Variants in LRRC7 observed in about 807,000 individuals in gnomAD.
LRRC7 encodes the protein leucine-rich repeat-containing protein 7.
In LRRC7, 23 loss-of-function variants were observed where a neutral mutation model predicts 175.7. The observed-to-expected ratio is 0.13, with a 90% CI of 0.09 to 0.19. The LOEUF is 0.19. LRRC7 is among the 10% of genes least tolerant of loss of function. The pLI, the probability that LRRC7 is intolerant of heterozygous loss-of-function variation, is 1.00. For missense variants in LRRC7, 1,354 were observed against 1,904.7 expected, an observed-to-expected ratio of 0.71 and a Z score of 5.38; for synonymous variants, 685 against 680.9, an observed-to-expected ratio of 1.01 and a Z score of -0.09.
chr1:70,104,810 T>C (rs944892115), intron 25 of LRRC7, among the ~76,000 whole-genome samples: 1 of 152,172 alleles, frequency 6.6e-6, no homozygotes, highest in African/African-American at 2.4e-5. Flanking sequence ...GTGTTGCTAG[T>C]TCCTCCCAGC....
At chr1:69,996,635 G>C (rs1241136494) in intron 11 of LRRC7, among the ~76,000 whole-genome samples, 1 of 152,004 alleles carries the variant, frequency 6.6e-6, no homozygotes, top group East Asian at 1.9e-4. Flanking sequence ...AGTTTTCCTA[G>C]CACCATTTAT....
chr1:69,816,839 CTCTGTT>C lies in LRRC7; in HGVS notation c.422-8905_422-8900del, dbSNP rs1209357638. ...CCAGCACCTGGTAACAACTATTCTA[CTCTGTT>C]TCTAAGAATTAGACTTTTTTAGATT... On this transcript the variant is annotated intron_variant, in intron 4 of 26. Transcript: ENST00000651989. Among the ~76,000 whole-genome samples the C allele has an allele frequency of 5.9e-5, 9 of 152,166 alleles. No individual in the cohort carries two copies. The South Asian group carries it at 1.5e-3, about 25-fold the overall frequency.
chr1:69,760,460 T>C (rs1385027316), intron 3 of LRRC7, 67 bp downstream of exon 3: 4 of 1,345,846 alleles, frequency 3.0e-6, no homozygotes, highest in Non-Finnish European at 2.1e-6. Context: ...TACTTTATTA[T>C]AATGGTAATG....
At chr1:69,741,945 A>T (rs568444413) in intron 2 of LRRC7, among the ~76,000 whole-genome samples, 38 of 152,108 alleles carry the variant, frequency 2.5e-4, no homozygotes, top group Admixed American at 2.4e-3. Flanking sequence ...ATGAACTTCC[A>T]TCGTGTGTGT....
At chr1:69,865,492 T>C (rs1684837889) in intron 7 of LRRC7, among the ~76,000 whole-genome samples, 1 of 127,308 alleles carries the variant, frequency 7.9e-6, no homozygotes, top group Admixed American at 7.9e-5. Context: ...TTTTTTTTTT[T>C]TTGAAACGGA....
chr1:69,726,538 C>A (rs1667000006), intron 2 of LRRC7, among the ~76,000 whole-genome samples: 1 of 151,926 alleles, frequency 6.6e-6, no homozygotes, highest in African/African-American at 2.4e-5. Flanking sequence ...CATTGGATAT[C>A]CAGGTAGCAA....
rs542293159 is a variant in LRRC7, at chr1:69,814,044, C to T, written c.422-11704C>T. 5.3e-4 allele frequency among the ~76,000 whole-genome samples: 81 copies of T among 152,000 alleles called. No individual in the cohort carries two copies. The South Asian group carries it at 5.4e-3, about 10-fold the overall frequency. On this transcript the variant is annotated intron_variant, in intron 4 of 26. Coordinates refer to ENST00000651989, the MANE Select transcript of LRRC7 (RefSeq NM_001370785.2). ...ATTTATAAGTAAATATATGTACATA[C>T]GAATTTCTTTATAAATTGAAAACAG...
intron 1 of LRRC7, among the ~76,000 whole-genome samples, chr1:69,666,309 G>A (rs973340008): frequency 2.0e-5 from 3 of 151,918 alleles, no homozygotes; most frequent in Admixed American, 1.3e-4. Context: ...CTTTGGGTTT[G>A]GTATCAAGAT....
chr1:69,692,510 T>TG (rs1210748822), intron 2 of LRRC7, among the ~76,000 whole-genome samples: 4 of 152,148 alleles, frequency 2.6e-5, no homozygotes, highest in African/African-American at 9.7e-5. Flanking sequence ...TACTTTTTCG[T>TG]GGGTCCTTCT....
chr1:69,690,608 TCTC>T (rs1661736924), intron 2 of LRRC7, among the ~76,000 whole-genome samples: 2 of 152,120 alleles, frequency 1.3e-5, no homozygotes, highest in South Asian at 4.2e-4. Flanking sequence ...CCCTGATGCC[TCTC>T]CTCCTCTTCT....
At chr1:70,103,767 C>G (rs1002575333) in intron 25 of LRRC7, among the ~76,000 whole-genome samples, 1 of 152,080 alleles carries the variant, frequency 6.6e-6, no homozygotes, top group East Asian at 1.9e-4. Flanking sequence ...TGGGACTTGA[C>G]AGAAGCAGAG....
intron 4 of LRRC7, among the ~76,000 whole-genome samples, chr1:69,793,632 C>CT (rs141401955): frequency 2.9e-4 from 43 of 149,320 alleles, no homozygotes; most frequent in East Asian, 9.8e-4. Flanking sequence ...ACATTTTACT[C>CT]TTTTTTTTTT....
At chr1:69,815,878 A>G (rs1678526124) in intron 4 of LRRC7, among the ~76,000 whole-genome samples, 1 of 152,134 alleles carries the variant, frequency 6.6e-6, no homozygotes, top group South Asian at 2.1e-4. Context: ...TAAAAAGACC[A>G]CTGGGAGCAG....
chr1:69,718,825 A>C (rs1287883222), intron 2 of LRRC7, among the ~76,000 whole-genome samples: 2 of 151,834 alleles, frequency 1.3e-5, no homozygotes, highest in Non-Finnish European at 3.0e-5. Context: ...GCTCCTGAAA[A>C]TTCTAGGAGA....
At chr1:69,891,790 A>G (rs982377192) in intron 7 of LRRC7, among the ~76,000 whole-genome samples, 22 of 152,168 alleles carry the variant, frequency 1.4e-4, no homozygotes. Flanking sequence ...CAATAAAGGA[A>G]AAGTTTAATA....
intron 1 of LRRC7, among the ~76,000 whole-genome samples, chr1:69,593,945 G>A (rs961941595): frequency 6.6e-5 from 10 of 152,150 alleles, no homozygotes; most frequent in Non-Finnish European, 1.5e-5. Flanking sequence ...TATCTCCTGA[G>A]TCTTTGCCAC....
At chr1:69,671,690 G>A (rs1659096646) in intron 1 of LRRC7, among the ~76,000 whole-genome samples, 1 of 152,110 alleles carries the variant, frequency 6.6e-6, no homozygotes, top group Non-Finnish European at 1.5e-5. Context: ...GCTGGGATGG[G>A]CAATACTCCT....
intron 2 of LRRC7, among the ~76,000 whole-genome samples, chr1:69,709,122 C>A (rs562895348): frequency 6.6e-6 from 1 of 152,156 alleles, no homozygotes; most frequent in South Asian, 2.1e-4. Context: ...GCTCATGAAA[C>A]TTTGTATTAG....
intron 8 of LRRC7, among the ~76,000 whole-genome samples, chr1:69,948,087 C>G (rs1434195325): frequency 6.6e-6 from 1 of 152,078 alleles, no homozygotes; most frequent in Non-Finnish European, 1.5e-5. Flanking sequence ...CCAGGAGAGA[C>G]AGAGCAGGAC....
Sources: gnomAD v4.1 joint callset for allele counts (sites outside exome capture counted in the v4.1 genomes callset) on GRCh38, gnomAD v4.1.1 for gene constraint, MANE v1.5 for transcripts, NCBI Gene and HGNC (gene_info 2026-07-23, HGNC 2026-07-21) for gene names.